C1orf159: variants seen among roughly 807,000 people sequenced by gnomAD.
The protein encoded by C1orf159 is chromosome 1 open reading frame 159.
C1orf159 carries 19 observed loss-of-function variants against 25.6 expected under a neutral mutation model. The ratio of observed to expected loss-of-function variants is 0.74; its 90% CI spans 0.52 to 1.09. The LOEUF (loss-of-function observed/expected upper bound fraction) is 1.09, where lower values mean the gene tolerates loss of function less well. C1orf159 is among the 50% of genes least tolerant of loss of function. The pLI, the probability that C1orf159 is intolerant of heterozygous loss-of-function variation, is 0.00. For synonymous variants in C1orf159, 139 were observed against 124.7 expected (o/e 1.12, Z -0.77); for missense variants, 274 against 290.6 (o/e 0.94, Z 0.42).
chr1:1,107,685 T>C (rs548478714), intron 1 of C1orf159, among the ~76,000 whole-genome samples: 1 of 152,070 alleles, frequency 6.6e-6, no homozygotes, highest in Non-Finnish European at 1.5e-5. Context: ...AGGATGTGGG[T>C]GGGGTCAGAT....
At chr1:1,115,172 G>C (rs544923117) in intron 1 of C1orf159, 1 of 152,062 alleles carries the variant, frequency 6.6e-6, no homozygotes. Context: ...AATAGTTCCC[G>C]GGGAAGAAGC....
chr1:1,109,492 G>A (rs1174986644), intron 1 of C1orf159, among the ~76,000 whole-genome samples: 2 of 151,794 alleles, frequency 1.3e-5, no homozygotes, highest in African/African-American at 2.4e-5. Flanking sequence ...TTTTAGAGAT[G>A]GGTTTGCTCT....
intron 1 of C1orf159, among the ~76,000 whole-genome samples, chr1:1,107,606 T>C (rs1646191779): frequency 6.6e-6 from 1 of 152,188 alleles, no homozygotes; most frequent in South Asian, 2.1e-4. Context: ...ATCAGCACCC[T>C]GTCAAAACAG....
Position 1,087,121 on chromosome 1 carries a change from TG to T in C1orf159, c.310+17del. 1 of 1,604,008 alleles carries T rather than the reference TG, an allele frequency of 6.2e-7. No individual in the cohort carries two copies. The highest frequency in any genetic ancestry group is 1.1e-5 in the South Asian group (1 of 90,628). ...CCCAGGACACCGGCAGAGGTGGCTG[TG>T]GCCTGCTGAGACTTACCAGGATGTG... On this transcript the variant is annotated intron_variant, in intron 6 of 9. Coordinates refer to ENST00000421241, the MANE Select transcript of C1orf159 (RefSeq NM_017891.5). This position sits in a 1 kb window ranked among gnomAD's most constrained non-coding sequence, Gnocchi z 8.3.
At position 1,082,849 on chromosome 1, in the gene C1orf159, C is replaced by G. The variant is rs375991195; in HGVS notation, c.*44G>C. 20 of 1,519,360 alleles carry G rather than the reference C, an allele frequency of 1.3e-5. No individual in the cohort carries two copies. The African/African-American group carries it at 2.8e-4, about 21-fold the overall frequency. The allele number at this position is 1,519,360 out of a possible 1,614,324, so 94.1% of individuals were successfully genotyped here. A position where few individuals can be genotyped will look rare whatever the true frequency, so the allele number is the denominator to read the frequency against. Reference sequence around the variant, plus strand: ...TGGTTCCCGCCAAGGGGTCGGCCTCCGGGTCCCTGCCGCCAAGTGCGTGGC... The same window carrying G: ...TGGTTCCCGCCAAGGGGTCGGCCTCGGGGTCCCTGCCGCCAAGTGCGTGGC... On this transcript the variant is annotated 3_prime_UTR_variant, in exon 10 of 10. Coordinates refer to ENST00000421241, the MANE Select transcript of C1orf159 (RefSeq NM_017891.5).
At chr1:1,088,995 TGA>T (rs771277056) in intron 4 of C1orf159, among the ~76,000 whole-genome samples, 26 of 152,342 alleles carry the variant, frequency 1.7e-4, no homozygotes, top group Admixed American at 1.0e-3. Flanking sequence ...AGGCTCTGTC[TGA>T]GAGTCTCTGC....
At chr1:1,092,307 T>C in intron 1 of C1orf159, 1 of 223,908 alleles carries the variant, frequency 4.5e-6, no homozygotes, top group South Asian at 4.7e-5. Context: ...CGGGTGAGAG[T>C]GCCTGGGATA....
chr1:1,102,412 T>C (rs953412922), intron 1 of C1orf159, among the ~76,000 whole-genome samples: 2 of 151,452 alleles, frequency 1.3e-5, no homozygotes, highest in African/African-American at 4.8e-5. Flanking sequence ...TGATTTCTAT[T>C]CCTCTGTCTT....
chr1:1,115,825 C>G (rs935732121), intron 1 of C1orf159, among the ~76,000 whole-genome samples: 2 of 147,394 alleles, frequency 1.4e-5, no homozygotes, highest in Admixed American at 1.3e-4. Context: ...GGCGCCTTTC[C>G]CCCATAGGAC....
intron 9 of C1orf159, chr1:1,083,823 G>A (rs957168886): frequency 2.4e-5 from 29 of 1,200,510 alleles, no homozygotes; most frequent in South Asian, 1.9e-4. Context: ...GACGGAGGCC[G>A]GGTGAGCCCT....
chr1:1,112,095 C>G (rs1316891758), intron 1 of C1orf159, among the ~76,000 whole-genome samples: 1 of 152,172 alleles, frequency 6.6e-6, no homozygotes, highest in Non-Finnish European at 1.5e-5. Context: ...ATCCCCCCAC[C>G]GGGAATGTCA....
At chr1:1,088,947 C>T (rs959863438) in intron 4 of C1orf159, among the ~76,000 whole-genome samples, 5 of 152,334 alleles carry the variant, frequency 3.3e-5, no homozygotes, top group African/African-American at 1.2e-4. Context: ...CCTCTGTCTC[C>T]CGGCATCTCC....
intron 1 of C1orf159, among the ~76,000 whole-genome samples, chr1:1,103,887 G>A (rs1646136348): frequency 1.3e-5 from 2 of 152,116 alleles, no homozygotes; most frequent in Non-Finnish European, 2.9e-5. Flanking sequence ...AGACTGTGTT[G>A]TCCAGGCTGG....
At chr1:1,104,950 C>T (rs1202720719) in intron 1 of C1orf159, among the ~76,000 whole-genome samples, 1 of 152,240 alleles carries the variant, frequency 6.6e-6, no homozygotes, top group African/African-American at 2.4e-5. Flanking sequence ...GCAATCAACA[C>T]TTCCAGAGCA....
At chr1:1,101,431 T>C (rs1557431650) in intron 1 of C1orf159, among the ~76,000 whole-genome samples, 1 of 152,148 alleles carries the variant, frequency 6.6e-6, no homozygotes, top group African/African-American at 2.4e-5. Flanking sequence ...TGCAGTAAGC[T>C]GAGACTGTAC....
chr1:1,096,007 C>G (rs1431741944), intron 1 of C1orf159, among the ~76,000 whole-genome samples: 1 of 152,168 alleles, frequency 6.6e-6, no homozygotes, highest in Non-Finnish European at 1.5e-5. Flanking sequence ...CCTTGTATCA[C>G]TAGGATAAAC....
chr1:1,104,966 C>G (rs1462367563), intron 1 of C1orf159, among the ~76,000 whole-genome samples: 1 of 152,206 alleles, frequency 6.6e-6, no homozygotes, highest in African/African-American at 2.4e-5. Context: ...GAGCACTTGC[C>G]ACATGCCAGA....
chr1:1,084,547 G>A lies in C1orf159; in HGVS notation c.446-41C>T, dbSNP rs966381808. 1.9e-6 allele frequency: 3 copies of A among 1,548,628 alleles called. No homozygotes were observed. In the African/African-American group the frequency reaches 4.1e-5, roughly 21 times the overall value. The stretch of plus-strand genomic sequence containing the variant: ...CGGAGAGTCACCCTGGAGCCCAGGA[G>A]CTGCCTCAACCTCAGCCCAGTGCAG... On this transcript the variant is annotated intron_variant, in intron 7 of 9. Coordinates refer to ENST00000421241, the MANE Select transcript of C1orf159 (RefSeq NM_017891.5).
At chr1:1,109,027 T>C (rs1646220708) in intron 1 of C1orf159, among the ~76,000 whole-genome samples, 2 of 120,132 alleles carry the variant, frequency 1.7e-5, no homozygotes, top group African/African-American at 3.8e-5. Context: ...ACAGCCACCA[T>C]GTCTCGGCAG....
Sources: allele counts gnomAD v4.1 joint callset (sites outside exome capture counted in the v4.1 genomes callset), GRCh38; gene constraint gnomAD v4.1.1; non-coding constraint Gnocchi (gnomAD v3.1); transcripts MANE v1.5; gene names NCBI Gene and HGNC (gene_info 2026-07-23, HGNC 2026-07-21).